The following CD38 variants were observed in gnomAD, a reference collection of about 807,000 sequenced individuals.
CD38 encodes the protein ADP-ribosyl cyclase/cyclic ADP-ribose hydrolase 1.
CD38 carries 31 observed loss-of-function variants against 36.3 expected under a neutral mutation model. That is an observed-to-expected ratio of 0.85 (90% CI 0.64 to 1.15). The LOEUF (loss-of-function observed/expected upper bound fraction) is 1.15, where lower values mean the gene tolerates loss of function less well. Ranked by LOEUF, CD38 falls within the 50% of genes most tolerant of loss-of-function variation. CD38 has a pLI of 0.00. For synonymous variants in CD38, 131 were observed against 135.2 expected (o/e 0.97, Z 0.22); for missense variants, 380 against 371.9 (o/e 1.02, Z -0.18).
intron 3 of CD38, among the ~76,000 whole-genome samples, chr4:15,832,734 A>G (rs768249603): frequency 6.6e-6 from 1 of 152,110 alleles, no homozygotes; most frequent in Non-Finnish European, 1.5e-5. Context: ...CCTAGCTGCC[A>G]TCTATATTTG....
intron 1 of CD38, among the ~76,000 whole-genome samples, chr4:15,785,961 C>A (rs1167803361): frequency 6.6e-6 from 1 of 152,160 alleles, no homozygotes; most frequent in East Asian, 1.9e-4. Flanking sequence ...TGCAGACCTT[C>A]ACGGTGAGTG....
At chr4:15,834,347 A>C in intron 4 of CD38, 45 bp downstream of exon 4, 1 of 1,161,364 alleles carries the variant, frequency 8.6e-7, no homozygotes. Context: ...AGACCACAGA[A>C]CTTAAGACGT....
chr4:15,833,096 C>T (rs2148926614), intron 3 of CD38, among the ~76,000 whole-genome samples: 1 of 152,302 alleles, frequency 6.6e-6, no homozygotes. Flanking sequence ...TTAATGCTGC[C>T]TGGCCTGGGA....
At chr4:15,805,030 A>T (rs1460688820) in intron 1 of CD38, among the ~76,000 whole-genome samples, 1 of 152,188 alleles carries the variant, frequency 6.6e-6, no homozygotes, top group East Asian at 1.9e-4. Flanking sequence ...ACTTCACCCC[A>T]TAAATATGTG....
chr4:15,827,372 C>A (rs1723871128), intron 3 of CD38, among the ~76,000 whole-genome samples: 1 of 152,100 alleles, frequency 6.6e-6, no homozygotes, highest in African/African-American at 2.4e-5. Flanking sequence ...CTTATAGCTT[C>A]TGTGTTTCAT....
intron 1 of CD38, 99 bp from the exon 2 acceptor site, chr4:15,816,412 A>C: frequency 9.8e-7 from 1 of 1,018,248 alleles, no homozygotes; most frequent in South Asian, 1.7e-5. Flanking sequence ...CCTGGCATAT[A>C]ATAGATGCTT....
chr4:15,812,363 AAGCTGTAAATC>A (rs1462467897), intron 1 of CD38, among the ~76,000 whole-genome samples: 7 of 152,178 alleles, frequency 4.6e-5, no homozygotes, highest in African/African-American at 1.7e-4. Context: ...GATTACATTG[AAGCTGTAAATC>A]AGCTTGGAGA....
chr4:15,834,904 A>T (rs58405566), intron 4 of CD38, among the ~76,000 whole-genome samples: 3 of 152,062 alleles, frequency 2.0e-5, no homozygotes, highest in Admixed American at 6.5e-5. Context: ...ATTTTTTTTA[A>T]AAAAATTGAT....
intron 5 of CD38, 32 bp downstream of exon 5, chr4:15,838,197 T>C (rs11574926): frequency 0.032 from 46,098 of 1,423,558 alleles, 911 homozygotes; most frequent in Non-Finnish European, 0.038. Flanking sequence ...TGTTTGCAAG[T>C]ATCCTGTTGC....
intron 1 of CD38, among the ~76,000 whole-genome samples, chr4:15,816,107 A>T (rs538727248): frequency 6.6e-6 from 1 of 152,298 alleles, no homozygotes; most frequent in South Asian, 2.1e-4. Flanking sequence ...CATCCCAGAG[A>T]TGAAGCCAAC....
chr4:15,783,971 C>T (rs1722753550), intron 1 of CD38, among the ~76,000 whole-genome samples: 2 of 152,184 alleles, frequency 1.3e-5, no homozygotes, highest in South Asian at 4.1e-4. Context: ...TAGGGTGAGA[C>T]ATGGGAGATT....
chr4:15,790,727 C>T lies in CD38; in HGVS notation c.233+12080C>T, dbSNP rs868485005. ...CCCGGCCGCCATCCCATCTAGGAGG[C>T]GAGGAGCGCCTCTTCCCCGCCGCCA... On this transcript the variant is annotated intron_variant, in intron 1 of 7. Transcript: ENST00000226279. 2.9e-4 allele frequency among the ~76,000 whole-genome samples: 42 copies of T among 143,074 alleles called. 1 individual carries two copies. The South Asian group carries it at 3.5e-3, about 12-fold the overall frequency. 93.9% of individuals were successfully genotyped at this position (143,074 alleles called of 152,430 possible). A position where few individuals can be genotyped will look rare whatever the true frequency, so the allele number is the denominator to read the frequency against.
At chr4:15,808,546 T>C (rs1407227004) in intron 1 of CD38, among the ~76,000 whole-genome samples, 5 of 152,152 alleles carry the variant, frequency 3.3e-5, no homozygotes, top group African/African-American at 1.2e-4. Context: ...ATTGAGACTA[T>C]AAGAAGGAGA....
At chr4:15,808,075 G>A (rs1723381310) in intron 1 of CD38, among the ~76,000 whole-genome samples, 1 of 152,186 alleles carries the variant, frequency 6.6e-6, no homozygotes, top group African/African-American at 2.4e-5. Context: ...TGCTTTGCTT[G>A]AGACTCTTTA....
chr4:15,811,582 G>A (rs376423124), intron 1 of CD38, among the ~76,000 whole-genome samples: 3 of 151,994 alleles, frequency 2.0e-5, no homozygotes, highest in Non-Finnish European at 2.9e-5. Flanking sequence ...TTAATTGATG[G>A]TAACTGTAAG....
At chr4:15,815,644 C>A (rs576028451) in intron 1 of CD38, among the ~76,000 whole-genome samples, 13 of 152,208 alleles carry the variant, frequency 8.5e-5, no homozygotes, top group Admixed American at 3.3e-4. Context: ...AGTTGCTTAT[C>A]AGCTTAAGGA....
chr4:15,814,476 T>G (rs1723540737), intron 1 of CD38, among the ~76,000 whole-genome samples: 1 of 152,240 alleles, frequency 6.6e-6, no homozygotes, highest in Admixed American at 6.5e-5. Flanking sequence ...TGGCTTTTGT[T>G]GCCATTGCTT....
chr4:15,801,883 A>G (rs1471513052), intron 1 of CD38, among the ~76,000 whole-genome samples: 1 of 152,200 alleles, frequency 6.6e-6, no homozygotes, highest in East Asian at 1.9e-4. Context: ...TAAAAACTGG[A>G]ACAAGATAAG....
intron 2 of CD38, among the ~76,000 whole-genome samples, chr4:15,817,156 G>A (rs1458656450): frequency 2.0e-5 from 3 of 152,212 alleles, no homozygotes; most frequent in African/African-American, 4.8e-5. Context: ...TGAGAAAACT[G>A]AGGGTTGGTG....
Sources: allele counts gnomAD v4.1 joint callset (sites outside exome capture counted in the v4.1 genomes callset), GRCh38; gene constraint gnomAD v4.1.1; transcripts MANE v1.5; gene names NCBI Gene and HGNC (gene_info 2026-07-23, HGNC 2026-07-21).